SCN9A: variants seen among roughly 807,000 people sequenced by gnomAD.
SCN9A encodes the protein sodium voltage-gated channel alpha subunit 9, also known as sodium channel protein type 9 subunit alpha.
In SCN9A, 131 loss-of-function variants were observed where a neutral mutation model predicts 187.0. The observed-to-expected ratio is 0.70, with a 90% confidence interval of 0.61 to 0.81. The LOEUF (loss-of-function observed/expected upper bound fraction) is 0.81, where lower values mean the gene tolerates loss of function less well. SCN9A is among the 30% of genes least tolerant of loss of function. The pLI is 0.00. For synonymous variants in SCN9A, 809 were observed against 808.6 expected (o/e 1.00, Z -0.01); for missense variants, 2,252 against 2,396.6 (o/e 0.94, Z 1.26).
chr2:166,337,158 T>C (rs1429936215), intron 1 of SCN9A, among the ~76,000 whole-genome samples: 1 of 151,988 alleles, frequency 6.6e-6, no homozygotes, highest in Non-Finnish European at 1.5e-5. Context: ...TGAAAGATAA[T>C]GAAAGGCTGG....
intron 1 of SCN9A, among the ~76,000 whole-genome samples, chr2:166,343,228 A>C (rs1034145866): frequency 6.6e-6 from 1 of 152,132 alleles, no homozygotes; most frequent in Non-Finnish European, 1.5e-5. Flanking sequence ...TAGAATTCTA[A>C]TCAATGTTTT....
At chr2:166,302,561 A>C (rs1310587881) in intron 7 of SCN9A, 1 of 151,918 alleles carries the variant, frequency 6.6e-6, no homozygotes. Context: ...CTTTGTACAA[A>C]TCTTTAGGAA....
intron 1 of SCN9A, among the ~76,000 whole-genome samples, chr2:166,357,061 G>T (rs1700166705): frequency 6.6e-6 from 1 of 151,962 alleles, no homozygotes. Context: ...TCATCACCAA[G>T]GTCTTAAGCC....
chr2:166,323,179 T>C (rs967477351), intron 1 of SCN9A, among the ~76,000 whole-genome samples: 5 of 152,290 alleles, frequency 3.3e-5, no homozygotes, highest in African/African-American at 7.2e-5. Flanking sequence ...AGCAAATAAA[T>C]TCCAACACTT....
rs912026571 is a variant in SCN9A at position 166,280,726 on chromosome 2, A to G, written c.2105-131T>C. The G allele has an allele frequency of 5.0e-5, 31 of 621,354 alleles. 1 individual carries two copies. The highest frequency in any genetic ancestry group is 7.6e-5 in the Non-Finnish European group (27 of 353,984). The allele number at this position is 621,354 out of a possible 1,614,324, so 38.5% of individuals were successfully genotyped here. A position where few individuals can be genotyped will look rare whatever the true frequency, so the allele number is the denominator to read the frequency against. ...TAGATTTTGAAAATTTAACAGTACT[A>G]TTTCAATGAAAGCATAGCCTCTTAT... On this transcript the variant is annotated intron_variant, in intron 13 of 26. Transcript: ENST00000642356.
chr2:166,210,536 G>A (rs1356476107), intron 24 of SCN9A, among the ~76,000 whole-genome samples: 6 of 127,672 alleles, frequency 4.7e-5, no homozygotes, highest in Non-Finnish European at 8.3e-5. Flanking sequence ...AAAAAAAAAG[G>A]TAGATCATTT....
chr2:166,239,478 G>A (rs888317120), intron 19 of SCN9A, among the ~76,000 whole-genome samples: 1 of 152,076 alleles, frequency 6.6e-6, no homozygotes, highest in Non-Finnish European at 1.5e-5. Flanking sequence ...TAGCAGTTTT[G>A]GGAAACTGTT....
At chr2:166,214,952 C>T (rs1299999463) in intron 24 of SCN9A, among the ~76,000 whole-genome samples, 1 of 152,012 alleles carries the variant, frequency 6.6e-6, no homozygotes, top group African/African-American at 2.4e-5. Flanking sequence ...TCCAATAGAT[C>T]TAACAGATAT....
chr2:166,205,838 C>T (rs890117005), intron 24 of SCN9A, among the ~76,000 whole-genome samples: 23 of 152,194 alleles, frequency 1.5e-4, no homozygotes, highest in Admixed American at 1.3e-3. Flanking sequence ...ACAACTCCAT[C>T]AAAAAGTGGG....
rs1693352141 is a variant in SCN9A at position 166,199,147 on chromosome 2, A to G, written c.5492T>C (p.Val1831Ala). Residue 1831 changes from valine (V) to alanine (A), a missense_variant, in exon 27 of 27, where the codon GTT becomes GCT. By Grantham distance (64) the Val-to-Ala change is moderately conservative (BLOSUM62 0). Coordinates refer to ENST00000642356, the MANE Select transcript of SCN9A (RefSeq NM_001365536.1). ...AAGACAATGGATCCGGTCACCACTAACCATGGGCAGATCCATGGCAATGAG... is the reference window on the plus strand; with the variant it reads ...AAGACAATGGATCCGGTCACCACTAGCCATGGGCAGATCCATGGCAATGAG... The part of the protein sequence containing the change: ...VQLIAMDLPM[V>A]SGDRIHCLDI... The G allele has an allele frequency of 6.2e-7, 1 of 1,614,120 alleles. No homozygotes were observed. Among genetic ancestry groups the G allele is most frequent in the Non-Finnish European group, 8.5e-7 (1 of 1,180,026 alleles).
At chr2:166,351,119 C>T (rs528942614) in intron 1 of SCN9A, among the ~76,000 whole-genome samples, 12 of 151,828 alleles carry the variant, frequency 7.9e-5, no homozygotes, top group Non-Finnish European at 1.3e-4. Context: ...TCTGATTTGG[C>T]GACACAAAGG....
Position 166,280,343 on chromosome 2 carries a change from A to G in SCN9A, c.2343+14T>C, listed in dbSNP as rs1697421486. 12 of 1,412,630 alleles carry G rather than the reference A, an allele frequency of 8.5e-6. No individual in the cohort carries two copies. Among genetic ancestry groups the G allele is most frequent in the Non-Finnish European group, 1.2e-5 (12 of 1,018,660 alleles). 87.5% of individuals were successfully genotyped at this position (1,412,630 alleles called of 1,614,324 possible). ...GAGAAACTATGAGTACATAACACAC[A>G]ATAAGAGACTTACCAAATTTCCTAT... On this transcript the variant is annotated intron_variant, in intron 14 of 26. Coordinates refer to ENST00000642356, the MANE Select transcript of SCN9A (RefSeq NM_001365536.1).
intron 1 of SCN9A, among the ~76,000 whole-genome samples, chr2:166,344,492 C>T (rs1172717320): frequency 6.6e-6 from 1 of 152,128 alleles, no homozygotes; most frequent in Non-Finnish European, 1.5e-5. Context: ...AATAGTCCTT[C>T]AAGTCATCCG....
rs1480406147 is a variant in SCN9A at position 166,272,487 on chromosome 2, G to A, written c.3263C>T (p.Thr1088Ile). 1 of 1,612,826 alleles carries A rather than the reference G, an allele frequency of 6.2e-7. No individual in the cohort carries two copies. Among genetic ancestry groups the A allele is most frequent in the Non-Finnish European group, 8.5e-7 (1 of 1,179,510 alleles). ...SFIHNPSLTV[T>I]VPIAPGESDL... ...GGATTCCCCAGGTGCAATTGGCACTGTCACTGTGAGGCTGGGATTGTGAAT... is the reference window on the plus strand; with the variant it reads ...GGATTCCCCAGGTGCAATTGGCACTATCACTGTGAGGCTGGGATTGTGAAT... The change falls in exon 17 of 27, where the codon ACA (threonine) becomes ATA (isoleucine). Residue 1088 changes from threonine (T) to isoleucine (I), a missense_variant. By Grantham distance (89) the Thr-to-Ile change is moderately conservative (BLOSUM62 -1). Around this residue, in one of 7 missense-constraint regions of SCN9A, gnomAD observed 313 missense variants for 295.3 expected, o/e 1.06. Coordinates refer to ENST00000642356, the MANE Select transcript of SCN9A (RefSeq NM_001365536.1).
chr2:166,259,411 G>A (rs1252548921), intron 17 of SCN9A: 2 of 151,718 alleles, frequency 1.3e-5, no homozygotes, highest in Non-Finnish European at 3.0e-5. Context: ...ATATTTGAAA[G>A]TACATGCTAT....
intron 4 of SCN9A, 125 bp from the exon 5 acceptor site, chr2:166,306,045 TG>T: frequency 9.5e-7 from 1 of 1,057,160 alleles, no homozygotes. Context: ...TGTTGGGTTA[TG>T]GACACACCCT....
chr2:166,364,631 A>G (rs2105320572), intron 1 of SCN9A, among the ~76,000 whole-genome samples: 1 of 152,300 alleles, frequency 6.6e-6, no homozygotes, highest in Non-Finnish European at 1.5e-5. Flanking sequence ...TAGAATAGTC[A>G]CATTCATAGA....
chr2:166,220,093 C>T (rs1053395579), intron 24 of SCN9A, among the ~76,000 whole-genome samples: 22 of 152,046 alleles, frequency 1.4e-4, no homozygotes, highest in Non-Finnish European at 2.9e-4. Context: ...GGGAGTTGTC[C>T]CTAGGATGCA....
At chr2:166,246,966 G>C (rs994174058) in intron 18 of SCN9A, among the ~76,000 whole-genome samples, 1 of 151,756 alleles carries the variant, frequency 6.6e-6, no homozygotes, top group Non-Finnish European at 1.5e-5. Context: ...AACTAAGCTG[G>C]TTAGCAATGT....
Sources: allele counts gnomAD v4.1 joint callset (sites outside exome capture counted in the v4.1 genomes callset), GRCh38; gene constraint gnomAD v4.1.1; regional missense constraint gnomAD v4.1.1; transcripts MANE v1.5; gene names NCBI Gene and HGNC (gene_info 2026-07-23, HGNC 2026-07-21).